DYNC2H1: variants seen among roughly 807,000 people sequenced by gnomAD.
DYNC2H1 encodes dynein cytoplasmic 2 heavy chain 1, also known as cytoplasmic dynein 2 heavy chain 1.
In DYNC2H1, 410 loss-of-function variants were observed where a neutral mutation model predicts 570.0. That is an observed-to-expected ratio of 0.72 (90% confidence interval 0.66 to 0.78). DYNC2H1 has a LOEUF of 0.78. Ranked by LOEUF, DYNC2H1 falls within the 30% of genes least tolerant of loss-of-function variation. The pLI is 0.00. For missense variants in DYNC2H1, 4,865 were observed against 5,046.4 expected (o/e 0.96, Z 1.09); for synonymous variants, 1,688 against 1,677.6 (o/e 1.01, Z -0.15).
intron 45 of DYNC2H1, among the ~76,000 whole-genome samples, chr11:103,191,163 T>A (rs959160344): frequency 3.3e-5 from 5 of 151,292 alleles, no homozygotes; most frequent in Non-Finnish European, 7.4e-5. Context: ...CCTTAGCCTC[T>A]CAAGTAGCTG....
chr11:103,198,021 TG>T lies in DYNC2H1; in HGVS notation c.7799del (p.Gly2600GlufsTer3). On this transcript the variant is annotated frameshift_variant, in exon 48 of 89. Transcript: ENST00000375735. LOFTEE classifies it high-confidence loss of function. Reference protein sequence around the residue: ...QPLPPHGKPLGKLNSTDLKDV... With the variant: ...QPLPPHGKPLXKLNSTDLKDV... ...CATTACCTCCACATGGAAAACCACT[TG>T]GAAAACTAAACTCTACTGATCTCAA... The T allele has an allele frequency of 6.4e-7, 1 of 1,554,302 alleles. No individual in the cohort carries two copies.
intron 57 of DYNC2H1, 151 bp from the exon 58 acceptor site, chr11:103,221,879 A>G (rs1863601862): frequency 4.3e-6 from 3 of 700,932 alleles, no homozygotes; most frequent in African/African-American, 1.8e-5. Flanking sequence ...AAAAATAAGG[A>G]TAATACATTA....
Position 103,298,526 on chromosome 11 carries a change from C to A in DYNC2H1, c.11096-4567C>A, listed in dbSNP as rs1377310564. On this transcript the variant is annotated intron_variant, in intron 75 of 88. Transcript: ENST00000375735. ...AAAAACCTCATATTATTTATATATT[C>A]AGATGCTTTGAAAGTTTAATACACT... Among the ~76,000 whole-genome samples the A allele has an allele frequency of 2.0e-5, 3 of 152,088 alleles. No individual in the cohort carries two copies. The East Asian group carries it at 5.8e-4, about 29-fold the overall frequency.
chr11:103,308,282 T>C (rs1415597041), intron 78 of DYNC2H1, among the ~76,000 whole-genome samples: 2 of 152,198 alleles, frequency 1.3e-5, no homozygotes, highest in Non-Finnish European at 2.9e-5. Flanking sequence ...CTTTTTGTTA[T>C]TTCACTTAAC....
In DYNC2H1 at chr11:103,243,270, T is replaced by C. The variant is rs1864487294; in HGVS notation, c.9820-423T>C. ...CAAACAAAGAATATAGATAGATAGA[T>C]AGATAGATAGATAGATAGATAGATA... On this transcript the variant is annotated intron_variant, in intron 63 of 88. Transcript: ENST00000375735. The surrounding 1 kb of genome is among the most constrained non-coding windows in gnomAD (Gnocchi z 4.8). 8.0e-6 allele frequency among the ~76,000 whole-genome samples: 1 copy of C among 125,622 alleles called. No individual in the cohort carries two copies. Among genetic ancestry groups the C allele is most frequent in the Non-Finnish European group, 1.7e-5 (1 of 58,956 alleles). The allele number at this position is 125,622 out of a possible 152,430, so 82.4% of individuals were successfully genotyped here. A position where few individuals can be genotyped will look rare whatever the true frequency, so the allele number is the denominator to read the frequency against.
chr11:103,294,873 G>C (rs1222444416), intron 75 of DYNC2H1, among the ~76,000 whole-genome samples: 1 of 152,194 alleles, frequency 6.6e-6, no homozygotes, highest in Non-Finnish European at 1.5e-5. Context: ...TAGGCTTCAG[G>C]AATCTTCCTG....
rs1238103446 is a variant in DYNC2H1 at position 103,419,466 on chromosome 11, A to C, written c.12367-16477A>C. On this transcript the variant is annotated intron_variant, in intron 84 of 88. Transcript: ENST00000375735. ...CCATCTCTGCTGTTTCACAGCCTTC[A>C]CTGGTGATGCCTCCAGATACAGGAA... 3.3e-5 allele frequency among the ~76,000 whole-genome samples: 5 copies of C among 151,912 alleles called. No homozygotes were observed. The East Asian group carries it at 9.7e-4, about 29-fold the overall frequency.
At position 103,209,894 on chromosome 11, in the gene DYNC2H1, A is replaced by G. The variant is rs886047569; in HGVS notation, c.8473A>G (p.Ser2825Gly). The part of the protein sequence containing the change: ...SMKKIPEMLF[S>G]ETGGGEKYND... Reference sequence around the variant, plus strand: ...GTTTTAGATACCTGAAATGTTATTCAGTGAAACAGGTGGTGGAGAAAAATA... The same window carrying G: ...GTTTTAGATACCTGAAATGTTATTCGGTGAAACAGGTGGTGGAGAAAAATA... The change falls in exon 53 of 89, where the codon AGT (serine) becomes GGT (glycine). Residue 2825 changes from serine to glycine, a missense_variant. Ser to Gly is a moderately conservative substitution (Grantham distance 56). Transcript: ENST00000375735. This position sits in a 1 kb window ranked among gnomAD's most constrained non-coding sequence, Gnocchi z 4.2. 8 of 1,495,730 alleles carry G rather than the reference A, an allele frequency of 5.3e-6. No homozygotes were observed. Among genetic ancestry groups the G allele is most frequent in the Non-Finnish European group, 7.2e-6 (8 of 1,118,632 alleles). 92.7% of individuals were successfully genotyped at this position (1,495,730 alleles called of 1,614,324 possible). A position where few individuals can be genotyped will look rare whatever the true frequency, so the allele number is the denominator to read the frequency against.
intron 83 of DYNC2H1, among the ~76,000 whole-genome samples, chr11:103,365,428 TA>T: frequency 6.6e-6 from 1 of 152,276 alleles, no homozygotes; most frequent in East Asian, 1.9e-4. Context: ...CTGGAGATTC[TA>T]AAAATAAATT....
intron 18 of DYNC2H1, among the ~76,000 whole-genome samples, chr11:103,146,949 C>G (rs1176536362): frequency 6.6e-6 from 1 of 152,108 alleles, no homozygotes; most frequent in Non-Finnish European, 1.5e-5. Flanking sequence ...TCCATGTTAT[C>G]ATCTGCACAT....
At chr11:103,339,241 G>A (rs916048102) in intron 82 of DYNC2H1, among the ~76,000 whole-genome samples, 10 of 152,132 alleles carry the variant, frequency 6.6e-5, no homozygotes, top group Non-Finnish European at 1.2e-4. Context: ...TCCTGTGGTC[G>A]GCACAGTTGA....
intron 65 of DYNC2H1, among the ~76,000 whole-genome samples, chr11:103,251,962 C>T (rs1026157598): frequency 2.0e-5 from 3 of 150,488 alleles, no homozygotes; most frequent in African/African-American, 7.5e-5. Context: ...ACTCTGTTGC[C>T]CACCAGGCTT....
chr11:103,383,175 T>C (rs2135584099), intron 83 of DYNC2H1, among the ~76,000 whole-genome samples: 1 of 152,256 alleles, frequency 6.6e-6, no homozygotes, highest in South Asian at 2.1e-4. Flanking sequence ...CTGCTGTTGT[T>C]GGAAGGATAC....
In DYNC2H1 at chr11:103,204,048, G is replaced by A. The variant is rs1279892259; in HGVS notation, c.8311+272G>A. ...GACTCACAGTTCCCACATGGCTGGG[G>A]AGGCCTCACAATCATGGTGGAAGGG... On this transcript the variant is annotated intron_variant, in intron 51 of 88. Coordinates refer to ENST00000375735, the MANE Select transcript of DYNC2H1 (RefSeq NM_001377.3). The surrounding 1 kb of genome is among the most constrained non-coding windows in gnomAD (Gnocchi z 4.1). Among the ~76,000 whole-genome samples the A allele has an allele frequency of 6.6e-6, 1 of 152,112 alleles. No homozygotes were observed. Among genetic ancestry groups the A allele is most frequent in the East Asian group, 1.9e-4 (1 of 5,196 alleles).
intron 53 of DYNC2H1, among the ~76,000 whole-genome samples, chr11:103,210,978 C>T (rs1052167500): frequency 1.3e-5 from 2 of 151,954 alleles, no homozygotes; most frequent in Non-Finnish European, 2.9e-5. Flanking sequence ...ATATCCCTTT[C>T]TTCAGTTATT....
chr11:103,302,477 G>C (rs1312798873), intron 75 of DYNC2H1, among the ~76,000 whole-genome samples: 1 of 152,048 alleles, frequency 6.6e-6, no homozygotes, highest in Non-Finnish European at 1.5e-5. Context: ...TTTGCATAGA[G>C]TCATTTGGCT....
Position 103,280,060 on chromosome 11 carries a change from T to A in DYNC2H1, c.10696-288T>A, listed in dbSNP as rs1404691551. On this transcript the variant is annotated intron_variant, in intron 70 of 88. Transcript: ENST00000375735. The surrounding 1 kb of genome is among the most constrained non-coding windows in gnomAD (Gnocchi z 4.7). ...ATCAAATTTCACAACTATATTAATG[T>A]TTCACCTGGCTAAGTTAGTTTTGTT... Among the ~76,000 whole-genome samples, 2 of 152,144 alleles carry A rather than the reference T, an allele frequency of 1.3e-5. No individual in the cohort carries two copies. The highest frequency in any genetic ancestry group is 2.9e-5 in the Non-Finnish European group (2 of 67,998).
At chr11:103,358,393 T>A (rs1453981365) in intron 83 of DYNC2H1, 34 bp downstream of exon 83, 1 of 1,409,956 alleles carries the variant, frequency 7.1e-7, no homozygotes, top group Non-Finnish European at 9.8e-7. Context: ...ATTCTTTTGC[T>A]TTTTCTCCCG....
At position 103,154,802 on chromosome 11, in the gene DYNC2H1, A is replaced by G. The variant is rs753320737; in HGVS notation, c.3566A>G (p.Lys1189Arg). The part of the protein sequence containing the change: ...MTVKLQSEVD[K>R]YKIVIPILKY... ...GTGAAATTACAATCAGAGGTTGACA[A>G]ATATAAAGTAAGATTGTTTTATTAT... is the stretch of plus-strand genomic sequence containing the variant. Residue 1189 changes from lysine to arginine, a missense_variant, in exon 24 of 89, where the codon AAA becomes AGA. Physicochemically the swap from Lys to Arg is conservative, Grantham distance 26. This residue lies in a region of DYNC2H1 where 1,936 missense variants were observed against 1,962.1 expected (regional missense o/e 0.99). Coordinates refer to ENST00000375735, the MANE Select transcript of DYNC2H1 (RefSeq NM_001377.3). 14 of 1,539,482 alleles carry G rather than the reference A, an allele frequency of 9.1e-6. No individual in the cohort carries two copies. Among genetic ancestry groups the G allele is most frequent in the Non-Finnish European group, 1.2e-5 (14 of 1,143,176 alleles).
Sources: gnomAD v4.1 joint callset for allele counts (sites outside exome capture counted in the v4.1 genomes callset) on GRCh38, gnomAD v4.1.1 for gene constraint, gnomAD v4.1.1 regional missense constraint, Gnocchi (gnomAD v3.1) non-coding constraint, MANE v1.5 for transcripts, NCBI Gene and HGNC (gene_info 2026-07-23, HGNC 2026-07-21) for gene names.